The following ATP2C2 variants were observed in gnomAD, a reference collection of about 807,000 sequenced individuals.
The protein encoded by ATP2C2 is ATPase secretory pathway Ca2+ transporting 2.
ATP2C2 carries 171 observed loss-of-function variants against 110.8 expected under a neutral mutation model. The ratio of observed to expected loss-of-function variants is 1.54; its 90% CI spans 1.36 to 1.75. ATP2C2 has a LOEUF of 1.75. ATP2C2 is among the 40% of genes most tolerant of loss of function. ATP2C2 has a pLI of 0.00. For missense variants in ATP2C2, 1,963 were observed against 1,235.0 expected, an observed-to-expected ratio of 1.59 and a Z score of -8.84; for synonymous variants, 804 against 508.4, an observed-to-expected ratio of 1.58 and a Z score of -7.82.
Position 84,462,444 on chromosome 16 carries a change from C to A in ATP2C2, c.2722+315C>A, listed in dbSNP as rs1010469021. 1.0e-5 allele frequency: 3 copies of A among 289,542 alleles called. No individual in the cohort carries two copies. The South Asian group carries it at 2.2e-4, about 21-fold the overall frequency. 17.9% of individuals were successfully genotyped at this position (289,542 alleles called of 1,614,324 possible). A position where few individuals can be genotyped will look rare whatever the true frequency, so the allele number is the denominator to read the frequency against. On this transcript the variant is annotated intron_variant, in intron 26 of 26. Transcript: ENST00000262429. ...TGCAGGGAGGAAGGAGGGAGCAAGGCCTGTACTCAGCCTGGGAGGTACCCC... is the reference window on the plus strand; with the variant it reads ...TGCAGGGAGGAAGGAGGGAGCAAGGACTGTACTCAGCCTGGGAGGTACCCC...
chr16:84,374,011 C>T (rs1567681138), intron 1 of ATP2C2, among the ~76,000 whole-genome samples: 2 of 152,218 alleles, frequency 1.3e-5, no homozygotes, highest in Non-Finnish European at 2.9e-5. Context: ...AATTTTAAGG[C>T]TGTCATCTGA....
At chr16:84,439,060 G>A (rs1051605241) in intron 11 of ATP2C2, 106 bp from the exon 12 acceptor site, 16 of 1,495,330 alleles carry the variant, frequency 1.1e-5, no homozygotes, top group African/African-American at 1.4e-5. Flanking sequence ...AGGACACTGG[G>A]GACACCTAAG....
At chr16:84,405,054 G>A (rs778718367) in intron 2 of ATP2C2, 74 bp from the exon 3 acceptor site, 1 of 1,238,254 alleles carries the variant, frequency 8.1e-7, no homozygotes, top group South Asian at 1.2e-5. Flanking sequence ...GCCTTTCAGA[G>A]TGGGAGTCTG....
rs1180847611 is a variant in ATP2C2, at chr16:84,405,206, G to T, written c.289G>T (p.Asp97Tyr). 3.7e-6 allele frequency: 6 copies of T among 1,614,006 alleles called. No homozygotes were observed. In the African/African-American group the frequency reaches 6.7e-5, roughly 18 times the overall value. The change falls in exon 3 of 27, where the codon GAC (aspartate) becomes TAC (tyrosine). Residue 97 changes from aspartate (D) to tyrosine (Y), a missense_variant. By Grantham distance (160) the Asp-to-Tyr change is radical. Coordinates refer to ENST00000262429, the MANE Select transcript of ATP2C2 (RefSeq NM_014861.4). ...LAHGWNEFVA[D>Y]NSEPVWKKYL... ...CCATGGCTGGAATGAGTTTGTTGCT[G>T]ACAACAGCGAACCTGTGTGGAAGAA...
chr16:84,439,249 A>G lies in ATP2C2; in HGVS notation c.1070A>G (p.Lys357Arg). The G allele has an allele frequency of 6.2e-7, 1 of 1,612,458 alleles. No homozygotes were observed. The highest frequency in any genetic ancestry group is 1.7e-5 in the Admixed American group (1 of 60,028). The change falls in exon 12 of 27, where the codon AAG becomes AGG. Residue 357 changes from lysine to arginine, a missense_variant. Coordinates refer to ENST00000262429, the MANE Select transcript of ATP2C2 (RefSeq NM_014861.4). The stretch of plus-strand genomic sequence containing the variant: ...CTGGGAGTGCTGCGGATGGCCAAGA[A>G]GCGGGTCATCGTGAAGAAGTTACCC... ...LVLGVLRMAK[K>R]RVIVKKLPIV...
At chr16:84,422,291 A>C in intron 7 of ATP2C2, 99 bp from the exon 8 acceptor site, 2 of 1,384,944 alleles carry the variant, frequency 1.4e-6, no homozygotes, top group East Asian at 2.3e-5. Flanking sequence ...TGTGTTCTTG[A>C]GTTCATGTCC....
intron 1 of ATP2C2, among the ~76,000 whole-genome samples, chr16:84,379,206 G>C (rs1220291133): frequency 7.0e-6 from 1 of 143,624 alleles, no homozygotes; most frequent in Non-Finnish European, 1.5e-5. Context: ...TTTCCTGATA[G>C]GGTCTTACTC....
At chr16:84,370,463 T>C (rs886076212) in intron 1 of ATP2C2, among the ~76,000 whole-genome samples, 4 of 151,806 alleles carry the variant, frequency 2.6e-5, no homozygotes, top group African/African-American at 9.7e-5. Context: ...ACCCAGGAAA[T>C]GGCAATGAAG....
At position 84,463,687 on chromosome 16, in the gene ATP2C2, C is replaced by T. The variant is rs747790569; in HGVS notation, c.2796C>T (p.Tyr932=). Residue 932 remains tyrosine, a synonymous_variant, in exon 27 of 27, where the codon TAC becomes TAT. Transcript: ENST00000262429. The part of the protein sequence containing the change: ...LSELLKLCEK[Y]CCSPKRVQMH... ...AGCTCCTCAAACTATGTGAAAAATACTGTTGCAGCCCCAAGAGAGTCCAGA... is the reference window on the plus strand; with the variant it reads ...AGCTCCTCAAACTATGTGAAAAATATTGTTGCAGCCCCAAGAGAGTCCAGA... 16 of 1,614,100 alleles carry T rather than the reference C, an allele frequency of 9.9e-6. No homozygotes were observed. Among genetic ancestry groups the T allele is most frequent in the African/African-American group, 1.3e-5 (1 of 74,930 alleles).
intron 21 of ATP2C2, among the ~76,000 whole-genome samples, 192 bp downstream of exon 21, chr16:84,455,176 G>A (rs1910683693): frequency 6.6e-6 from 1 of 152,034 alleles, no homozygotes; most frequent in Non-Finnish European, 1.5e-5. Context: ...GCAGGGTCAT[G>A]GGGTCCATGA....
intron 1 of ATP2C2, among the ~76,000 whole-genome samples, chr16:84,379,078 C>G (rs1167779372): frequency 1.3e-5 from 2 of 152,026 alleles, no homozygotes; most frequent in Admixed American, 1.3e-4. Flanking sequence ...TCCCATCACC[C>G]AGGAATTACG....
At chr16:84,419,916 C>T (rs1907176231) in intron 7 of ATP2C2, among the ~76,000 whole-genome samples, 1 of 152,160 alleles carries the variant, frequency 6.6e-6, no homozygotes, top group African/African-American at 2.4e-5. Flanking sequence ...ACTTGCCTGG[C>T]CTGGTGCACT....
At chr16:84,419,020 C>G (rs1283537420) in intron 7 of ATP2C2, among the ~76,000 whole-genome samples, 1 of 151,720 alleles carries the variant, frequency 6.6e-6, no homozygotes, top group Non-Finnish European at 1.5e-5. Context: ...ACCAGCCTGG[C>G]CAACATGGCA....
chr16:84,455,067 T>C, intron 21 of ATP2C2, 83 bp downstream of exon 21: 9 of 974,038 alleles, frequency 9.2e-6, no homozygotes, highest in Admixed American at 2.5e-5. Flanking sequence ...ACTGTGGAGA[T>C]AGAGGGGGGG....
intron 21 of ATP2C2, 27 bp from the exon 22 acceptor site, chr16:84,459,093 T>A: frequency 6.2e-7 from 1 of 1,613,504 alleles, no homozygotes; most frequent in Non-Finnish European, 8.5e-7. Flanking sequence ...GCCCGCTCCG[T>A]GAGTAAATGG....
At chr16:84,436,397 C>G (rs1201480607) in intron 11 of ATP2C2, among the ~76,000 whole-genome samples, 1 of 152,100 alleles carries the variant, frequency 6.6e-6, no homozygotes, top group Non-Finnish European at 1.5e-5. Context: ...GCCGATTTCA[C>G]GTATTTCCTG....
chr16:84,455,488 T>A (rs779918225), intron 21 of ATP2C2, among the ~76,000 whole-genome samples: 7 of 152,178 alleles, frequency 4.6e-5, no homozygotes, highest in African/African-American at 7.2e-5. Context: ...ACGGAGGTGC[T>A]CTCTAGGTTC....
chr16:84,399,555 G>A (rs1017915992), intron 2 of ATP2C2, among the ~76,000 whole-genome samples: 13 of 152,280 alleles, frequency 8.5e-5, no homozygotes, highest in African/African-American at 2.6e-4. Context: ...TGTATTTAAC[G>A]AATTTGTTTA....
At chr16:84,414,748 G>A (rs1906682072) in intron 6 of ATP2C2, among the ~76,000 whole-genome samples, 3 of 152,192 alleles carry the variant, frequency 2.0e-5, no homozygotes, top group Admixed American at 1.3e-4. Context: ...AGGAGCCTGT[G>A]CGTTTAAGGG....
Sources: allele counts gnomAD v4.1 joint callset (sites outside exome capture counted in the v4.1 genomes callset), GRCh38; gene constraint gnomAD v4.1.1; transcripts MANE v1.5; gene names NCBI Gene and HGNC (gene_info 2026-07-23, HGNC 2026-07-21).